PSMD14: variants seen among roughly 807,000 people sequenced by gnomAD.
PSMD14 encodes ubiquitin C-terminal hydrolase PSMD14.
A neutral mutation model predicts 41.2 loss-of-function variants in PSMD14; 7 were observed. The observed-to-expected ratio is 0.17, with a 90% CI of 0.10 to 0.32. The LOEUF (loss-of-function observed/expected upper bound fraction) is 0.32, where lower values mean the gene tolerates loss of function less well. Ranked by LOEUF, PSMD14 falls within the 10% of genes least tolerant of loss-of-function variation. The pLI is 1.00. For synonymous variants in PSMD14, 114 were observed against 122.3 expected, an observed-to-expected ratio of 0.93 and a Z score of 0.45; for missense variants, 139 against 375.6, an observed-to-expected ratio of 0.37 and a Z score of 5.21.
At chr2:161,396,714 A>G (rs1683802592) in intron 10 of PSMD14, among the ~76,000 whole-genome samples, 1 of 152,184 alleles carries the variant, frequency 6.6e-6, no homozygotes, top group African/African-American at 2.4e-5. Context: ...CTTGGCTAGC[A>G]TGCATAGAAC....
intron 8 of PSMD14, among the ~76,000 whole-genome samples, chr2:161,386,998 A>C (rs772810628): frequency 6.6e-6 from 1 of 152,048 alleles, no homozygotes; most frequent in Admixed American, 6.6e-5. Context: ...AGTGCACCTT[A>C]TAAAGCAGGT....
intron 9 of PSMD14, among the ~76,000 whole-genome samples, chr2:161,393,499 G>A (rs1253969259): frequency 6.6e-6 from 1 of 152,118 alleles, no homozygotes; most frequent in Non-Finnish European, 1.5e-5. Flanking sequence ...AGCCTTATAG[G>A]TGATTTTGAC....
intron 1 of PSMD14, among the ~76,000 whole-genome samples, chr2:161,310,673 C>T (rs777043770): frequency 1.2e-4 from 19 of 152,126 alleles, no homozygotes; most frequent in African/African-American, 3.6e-4. Context: ...TTGCTTTGGA[C>T]GTATTTTTAC....
chr2:161,360,366 G>GTTT (rs34061827), intron 3 of PSMD14, among the ~76,000 whole-genome samples: 1 of 131,550 alleles, frequency 7.6e-6, no homozygotes, highest in Non-Finnish European at 1.7e-5. Flanking sequence ...CTTTCATATT[G>GTTT]TTTTTTTTTT....
intron 3 of PSMD14, among the ~76,000 whole-genome samples, chr2:161,332,674 C>G (rs914424455): frequency 6.6e-6 from 1 of 152,084 alleles, no homozygotes; most frequent in Non-Finnish European, 1.5e-5. Context: ...ACCTTTTTCT[C>G]CTTTTGCAGT....
At chr2:161,390,960 T>A (rs1683703306) in intron 8 of PSMD14, 144 bp from the exon 9 acceptor site, 1 of 803,820 alleles carries the variant, frequency 1.2e-6, no homozygotes, top group Admixed American at 4.1e-5. Flanking sequence ...AAGAATACTT[T>A]AATTTCATCT....
chr2:161,314,101 A>G (rs140884005), intron 1 of PSMD14, among the ~76,000 whole-genome samples: 2 of 152,336 alleles, frequency 1.3e-5, no homozygotes, highest in African/African-American at 4.8e-5. Context: ...TTATATTTTT[A>G]GATTTATAGG....
At chr2:161,370,843 TAAGGAGTTAAA>T (rs1280282694) in intron 6 of PSMD14, among the ~76,000 whole-genome samples, 2 of 152,132 alleles carry the variant, frequency 1.3e-5, no homozygotes, top group Non-Finnish European at 2.9e-5. Flanking sequence ...CTCCCAGAGC[TAAGGAGTTAAA>T]GAGTAGATAT....
intron 10 of PSMD14, 85 bp downstream of exon 10, chr2:161,395,288 T>TA: frequency 1.7e-6 from 2 of 1,201,004 alleles, no homozygotes; most frequent in Admixed American, 6.5e-5. Context: ...TAATTAAAAA[T>TA]AGAGAATCCT....
At chr2:161,391,847 C>CAGGA (rs1275988664) in intron 9 of PSMD14, among the ~76,000 whole-genome samples, 1 of 152,126 alleles carries the variant, frequency 6.6e-6, no homozygotes, top group Admixed American at 6.6e-5. Context: ...GATCCTCTCA[C>CAGGA]CTCAGCCTTC....
rs997701022 is a variant in PSMD14, at chr2:161,340,794, G to A, written c.48+21921G>A. Reference sequence around the variant, plus strand: ...ATGCCAAAAGGAAAAGCCTTTAGGAGGACGCTAAGGATAACTTCGTTATTC... The same window carrying A: ...ATGCCAAAAGGAAAAGCCTTTAGGAAGACGCTAAGGATAACTTCGTTATTC... On this transcript the variant is annotated intron_variant, in intron 3 of 11. Coordinates refer to ENST00000409682, the MANE Select transcript of PSMD14 (RefSeq NM_005805.6). 9 of 1,613,394 alleles carry A rather than the reference G, an allele frequency of 5.6e-6. No individual in the cohort carries two copies. In the African/African-American group the frequency reaches 1.1e-4, roughly 19 times the overall value.
At chr2:161,328,541 A>G (rs1682737684) in intron 3 of PSMD14, among the ~76,000 whole-genome samples, 1 of 152,154 alleles carries the variant, frequency 6.6e-6, no homozygotes, top group Non-Finnish European at 1.5e-5. Context: ...TATCTGCACC[A>G]TTCAATACGG....
At chr2:161,356,379 A>G (rs1683198076) in intron 3 of PSMD14, among the ~76,000 whole-genome samples, 1 of 152,184 alleles carries the variant, frequency 6.6e-6, no homozygotes, top group Non-Finnish European at 1.5e-5. Context: ...TTGCTGGGTA[A>G]GAGATAAACA....
At chr2:161,366,944 T>G (rs1041725715) in intron 3 of PSMD14, among the ~76,000 whole-genome samples, 12 of 152,160 alleles carry the variant, frequency 7.9e-5, no homozygotes, top group Non-Finnish European at 1.8e-4. Context: ...TTGTGTTAAA[T>G]TTGTTGTTGT....
rs1299369817 is a variant in PSMD14 at position 161,389,912 on chromosome 2, T to TTTTTTTA, written c.571-1192_571-1191insTTTTTTA. 3.8e-5 allele frequency among the ~76,000 whole-genome samples: 5 copies of TTTTTTTA among 130,290 alleles called. 1 individual carries two copies. The highest frequency in any genetic ancestry group is 1.6e-4 in the African/African-American group (5 of 30,576). 85.5% of individuals were successfully genotyped at this position (130,290 alleles called of 152,430 possible). Reference sequence around the variant, plus strand: ...TTGTTTTTTTTTTTTTTTTTTTTTTTAGAGATGGGGTATTGCTATGTTGTC... The same window carrying TTTTTTTA: ...TTGTTTTTTTTTTTTTTTTTTTTTTTTTTTTTAAGAGATGGGGTATTGCTATGTTGTC... On this transcript the variant is annotated intron_variant, in intron 8 of 11. Coordinates refer to ENST00000409682, the MANE Select transcript of PSMD14 (RefSeq NM_005805.6).
intron 3 of PSMD14, among the ~76,000 whole-genome samples, chr2:161,331,371 T>C (rs1682788784): frequency 6.6e-6 from 1 of 152,088 alleles, no homozygotes. Context: ...CAAGCGGTTC[T>C]CCTGCCTCAG....
chr2:161,325,595 T>A (rs1283536694), intron 3 of PSMD14, among the ~76,000 whole-genome samples: 1 of 152,184 alleles, frequency 6.6e-6, no homozygotes, highest in Non-Finnish European at 1.5e-5. Flanking sequence ...TTCTTTCCAA[T>A]TAATCATACA....
At chr2:161,407,535 A>G (rs905866693) in intron 10 of PSMD14, 1 of 152,126 alleles carries the variant, frequency 6.6e-6, no homozygotes, top group Non-Finnish European at 1.5e-5. Context: ...AAAATTAGAC[A>G]CTTGCCATCT....
intron 10 of PSMD14, among the ~76,000 whole-genome samples, chr2:161,402,246 T>A (rs1217201155): frequency 5.9e-5 from 9 of 152,126 alleles, no homozygotes; most frequent in Admixed American, 5.2e-4. Context: ...TGCATATTGG[T>A]CATGCATCAA....
Sources: allele counts gnomAD v4.1 joint callset (sites outside exome capture counted in the v4.1 genomes callset), GRCh38; gene constraint gnomAD v4.1.1; transcripts MANE v1.5; gene names NCBI Gene and HGNC (gene_info 2026-07-23, HGNC 2026-07-21).